Variants in CFAP299 observed in about 807,000 individuals in gnomAD.
CFAP299 encodes the protein cilia- and flagella-associated protein 299.
A neutral mutation model predicts 27.0 loss-of-function variants in CFAP299; 21 were observed. The ratio of observed to expected loss-of-function variants is 0.78; its 90% CI spans 0.55 to 1.12. The LOEUF (loss-of-function observed/expected upper bound fraction) is 1.12. Among genes scored for constraint, CFAP299 ranks in the 50% most tolerant of loss-of-function variants. CFAP299 has a pLI of 0.00. For missense variants in CFAP299, 310 were observed against 276.6 expected, an observed-to-expected ratio of 1.12 and a Z score of -0.86; for synonymous variants, 104 against 98.1, an observed-to-expected ratio of 1.06 and a Z score of -0.36.
At chr4:80,742,520 A>G (rs1224597011) in intron 3 of CFAP299, among the ~76,000 whole-genome samples, 1 of 152,164 alleles carries the variant, frequency 6.6e-6, no homozygotes, top group East Asian at 1.9e-4. Context: ...AAAATCTATC[A>G]TAGATTGATT....
intron 3 of CFAP299, chr4:80,608,231 C>T: frequency 1.5e-6 from 1 of 688,178 alleles, no homozygotes; most frequent in Non-Finnish European, 2.4e-6. Context: ...ATAACTGATT[C>T]CAACAGTACC....
chr4:80,627,304 T>C (rs1738961849), intron 3 of CFAP299, among the ~76,000 whole-genome samples: 1 of 151,920 alleles, frequency 6.6e-6, no homozygotes, highest in Admixed American at 6.6e-5. Flanking sequence ...CCTTTCATGA[T>C]TAAAAAACTC....
At chr4:80,919,135 C>T (rs1735912096) in intron 4 of CFAP299, among the ~76,000 whole-genome samples, 2 of 152,054 alleles carry the variant, frequency 1.3e-5, no homozygotes, top group African/African-American at 4.8e-5. Flanking sequence ...AATTTCTTTT[C>T]TTCTTACTAT....
chr4:80,802,339 G>T (rs1728657821), intron 3 of CFAP299, among the ~76,000 whole-genome samples: 1 of 151,954 alleles, frequency 6.6e-6, no homozygotes, highest in Middle Eastern at 3.4e-3. Context: ...GCAGTGTGTG[G>T]GTGCTTTGAG....
At chr4:80,747,740 T>C (rs1480615473) in intron 3 of CFAP299, among the ~76,000 whole-genome samples, 2 of 152,076 alleles carry the variant, frequency 1.3e-5, no homozygotes, top group African/African-American at 4.8e-5. Flanking sequence ...TTTTGCCAAA[T>C]GTTATGATAT....
chr4:80,800,240 T>C (rs185765755), intron 3 of CFAP299, among the ~76,000 whole-genome samples: 5,399 of 67,030 alleles, frequency 0.081, 258 homozygotes, highest in Middle Eastern at 0.12. Flanking sequence ...ATAAATAATA[T>C]AATATATAAT....
intron 3 of CFAP299, among the ~76,000 whole-genome samples, chr4:80,856,738 G>T (rs1423556915): frequency 2.0e-5 from 3 of 152,174 alleles, no homozygotes; most frequent in Admixed American, 1.3e-4. Flanking sequence ...ATTTCTGAGG[G>T]CTCTGTTCTG....
At chr4:80,455,500 A>G (rs1729100249) in intron 2 of CFAP299, among the ~76,000 whole-genome samples, 1 of 152,218 alleles carries the variant, frequency 6.6e-6, no homozygotes, top group Non-Finnish European at 1.5e-5. Context: ...GATATTCTTA[A>G]AAACTAGGAC....
chr4:80,551,754 A>AT lies in CFAP299; in HGVS notation c.243-31325dup, dbSNP rs552293572. On this transcript the variant is annotated intron_variant, in intron 2 of 5. Coordinates refer to ENST00000358105, the MANE Select transcript of CFAP299 (RefSeq NM_152770.3). ...TTTCCATGTAAGTGATATATCTATG[A>AT]TTTTTTTTTTTTTTAATGGAGACTC... Among the ~76,000 whole-genome samples the AT allele has an allele frequency of 9.3e-3, 1,340 of 143,528 alleles. 11 individuals carry two copies. The highest frequency in any genetic ancestry group is 0.027 in the South Asian group (123 of 4,500). The allele number at this position is 143,528 out of a possible 152,430, so 94.2% of individuals were successfully genotyped here.
intron 2 of CFAP299, among the ~76,000 whole-genome samples, chr4:80,444,947 G>A (rs918282834): frequency 6.6e-6 from 1 of 152,184 alleles, no homozygotes; most frequent in African/African-American, 2.4e-5. Context: ...GGTCATTAGA[G>A]ACATGCAAAT....
At chr4:80,339,367 C>A (rs1262332473) in intron 1 of CFAP299, among the ~76,000 whole-genome samples, 1 of 152,134 alleles carries the variant, frequency 6.6e-6, no homozygotes, top group Admixed American at 6.5e-5. Flanking sequence ...ATTACCCTGA[C>A]CACAATATAA....
chr4:80,923,722 C>A (rs1736161041), intron 4 of CFAP299, among the ~76,000 whole-genome samples: 1 of 151,988 alleles, frequency 6.6e-6, no homozygotes, highest in African/African-American at 2.4e-5. Flanking sequence ...GGCTCTTTGT[C>A]TTTCCTTGGT....
At chr4:80,490,525 C>A (rs1272515149) in intron 2 of CFAP299, among the ~76,000 whole-genome samples, 2 of 152,150 alleles carry the variant, frequency 1.3e-5, no homozygotes, top group African/African-American at 2.4e-5. Flanking sequence ...TCTCTCATAC[C>A]AGAAGAGGTC....
At position 80,335,742 on chromosome 4, in the gene CFAP299, A is replaced by G. The variant is rs1250317002; in HGVS notation, c.-27A>G. 1.4e-6 allele frequency: 2 copies of G among 1,407,914 alleles called. No individual in the cohort carries two copies. The highest frequency in any genetic ancestry group is 2.0e-6 in the Non-Finnish European group (2 of 992,064). The allele number at this position is 1,407,914 out of a possible 1,614,324, so 87.2% of individuals were successfully genotyped here. On this transcript the variant is annotated 5_prime_UTR_variant, in exon 1 of 6. Transcript: ENST00000358105. ...ACCCTGCCCTCCTGCTTCCGTTGCTAGGGACGCTTCGGCCGAGGATACCGC... is the reference window on the plus strand; with the variant it reads ...ACCCTGCCCTCCTGCTTCCGTTGCTGGGGACGCTTCGGCCGAGGATACCGC...
At chr4:80,347,254 A>T (rs1464268037) in intron 1 of CFAP299, among the ~76,000 whole-genome samples, 2 of 152,154 alleles carry the variant, frequency 1.3e-5, no homozygotes, top group Non-Finnish European at 2.9e-5. Context: ...TCCTATTTGA[A>T]TACCCTTTAA....
chr4:80,509,080 G>T (rs1319002903), intron 2 of CFAP299, among the ~76,000 whole-genome samples: 3 of 152,074 alleles, frequency 2.0e-5, no homozygotes, highest in African/African-American at 7.2e-5. Flanking sequence ...TGCTGGTCTT[G>T]GTTACTAATG....
intron 4 of CFAP299, among the ~76,000 whole-genome samples, chr4:80,913,731 T>C (rs1276442283): frequency 2.6e-5 from 4 of 152,214 alleles, no homozygotes; most frequent in African/African-American, 9.6e-5. Flanking sequence ...GAAATTTCTA[T>C]ATTTTAAAGT....
chr4:80,571,796 C>A (rs559238477), intron 2 of CFAP299, among the ~76,000 whole-genome samples: 1 of 152,062 alleles, frequency 6.6e-6, no homozygotes, highest in Non-Finnish European at 1.5e-5. Flanking sequence ...GCAATCTGAA[C>A]GCCAGAAAGA....
intron 3 of CFAP299, among the ~76,000 whole-genome samples, chr4:80,866,139 T>C (rs1732735283): frequency 7.7e-6 from 1 of 129,936 alleles, no homozygotes; most frequent in South Asian, 2.6e-4. Context: ...GTAACCATAC[T>C]TGGAAAGACA....
Sources: allele counts gnomAD v4.1 joint callset (sites outside exome capture counted in the v4.1 genomes callset), GRCh38; gene constraint gnomAD v4.1.1; transcripts MANE v1.5; gene names NCBI Gene and HGNC (gene_info 2026-07-23, HGNC 2026-07-21).